The following CNTN6 variants were observed in gnomAD, a reference collection of about 807,000 sequenced individuals.
The protein encoded by CNTN6 is contactin 6, also known as contactin-6.
Under a neutral mutation model 122.8 loss-of-function variants are expected in CNTN6, and 137 were observed. That is an observed-to-expected ratio of 1.12 (90% CI 0.97 to 1.29). The LOEUF is 1.29. Among genes scored for constraint, CNTN6 ranks in the 50% most tolerant of loss-of-function variants. The pLI is 0.00. For missense variants in CNTN6, 1,634 were observed against 1,223.4 expected (o/e 1.34, Z -5.01); for synonymous variants, 570 against 426.0 (o/e 1.34, Z -4.16).
intron 12 of CNTN6, among the ~76,000 whole-genome samples, chr3:1,358,548 T>C (rs1706960026): frequency 1.3e-5 from 2 of 151,784 alleles, no homozygotes; most frequent in Admixed American, 1.3e-4. Context: ...GGATCCTGAA[T>C]ACTCAAGCAA....
At chr3:1,348,722 G>C (rs979169948) in intron 11 of CNTN6, among the ~76,000 whole-genome samples, 1 of 151,926 alleles carries the variant, frequency 6.6e-6, no homozygotes, top group African/African-American at 2.4e-5. Flanking sequence ...TCTGAAGAAA[G>C]ATATGGTTAG....
At chr3:1,156,344 C>G (rs190090800) in intron 2 of CNTN6, among the ~76,000 whole-genome samples, 1 of 152,208 alleles carries the variant, frequency 6.6e-6, no homozygotes, top group South Asian at 2.1e-4. Context: ...GTCATTTCCA[C>G]ACTCTTTGCT....
intron 12 of CNTN6, among the ~76,000 whole-genome samples, chr3:1,367,367 T>C (rs1708381789): frequency 6.6e-6 from 1 of 151,810 alleles, no homozygotes; most frequent in South Asian, 2.1e-4. Flanking sequence ...TACTCTCTAC[T>C]ATGTAAGAAT....
At chr3:1,129,363 C>A (rs115621849) in intron 1 of CNTN6, among the ~76,000 whole-genome samples, 1 of 151,940 alleles carries the variant, frequency 6.6e-6, no homozygotes, top group East Asian at 1.9e-4. Context: ...CATTCCCAGG[C>A]GACTTGAGAA....
At chr3:1,166,021 C>G (rs1442474552) in intron 2 of CNTN6, among the ~76,000 whole-genome samples, 3 of 152,212 alleles carry the variant, frequency 2.0e-5, no homozygotes, top group Non-Finnish European at 4.4e-5. Context: ...ATTCCTACAT[C>G]TCTGAGAAGA....
intron 19 of CNTN6, among the ~76,000 whole-genome samples, chr3:1,384,734 T>A (rs910801056): frequency 2.5e-5 from 3 of 118,214 alleles, no homozygotes; most frequent in Non-Finnish European, 5.1e-5. Flanking sequence ...TACACACATA[T>A]ATATACATAT....
chr3:1,194,584 T>C (rs1382615950), intron 2 of CNTN6, among the ~76,000 whole-genome samples: 1 of 152,168 alleles, frequency 6.6e-6, no homozygotes, highest in Non-Finnish European at 1.5e-5. Context: ...TTCCCTGTTC[T>C]CAACCTTTAG....
intron 2 of CNTN6, among the ~76,000 whole-genome samples, chr3:1,151,095 C>T (rs371778216): frequency 6.6e-6 from 1 of 152,086 alleles, no homozygotes; most frequent in Non-Finnish European, 1.5e-5. Flanking sequence ...GACTTCTGAC[C>T]TCCAGGACTC....
chr3:1,321,240 A>G (rs1219402344), intron 7 of CNTN6, among the ~76,000 whole-genome samples: 1 of 151,762 alleles, frequency 6.6e-6, no homozygotes, highest in Non-Finnish European at 1.5e-5. Context: ...CTCACAAAGA[A>G]TTTCCTTGAC....
chr3:1,215,016 C>G (rs1340375668), intron 2 of CNTN6, among the ~76,000 whole-genome samples: 1 of 152,196 alleles, frequency 6.6e-6, no homozygotes, highest in Non-Finnish European at 1.5e-5. Context: ...GTCTTGATCT[C>G]TCAAAGTGCA....
Position 1,151,078 on chromosome 3 carries a change from C to G in CNTN6, c.55+3015C>G, listed in dbSNP as rs141510492. On this transcript the variant is annotated intron_variant, in intron 2 of 22. Transcript: ENST00000446702. ...CACCTTTTTTCAGCCCCGTGAATCC[C>G]ATTTTGGACTTCTGACCTCCAGGAC... Among the ~76,000 whole-genome samples, 55 of 152,260 alleles carry G rather than the reference C, an allele frequency of 3.6e-4. 1 individual carries two copies. In the East Asian group the frequency reaches 9.7e-3, roughly 27 times the overall value.
At chr3:1,250,239 A>G (rs1218320637) in intron 4 of CNTN6, among the ~76,000 whole-genome samples, 2 of 152,196 alleles carry the variant, frequency 1.3e-5, no homozygotes, top group Admixed American at 6.5e-5. Context: ...ACCTCGGTCT[A>G]ATGGACAACA....
chr3:1,124,776 GC>G (rs1341814024), intron 1 of CNTN6, among the ~76,000 whole-genome samples: 3 of 151,640 alleles, frequency 2.0e-5, no homozygotes, highest in African/African-American at 7.3e-5. Context: ...TCAATTTTCG[GC>G]CACTTCCTCC....
chr3:1,321,560 C>A, intron 7 of CNTN6, 90 bp from the exon 8 acceptor site: 1 of 1,150,860 alleles, frequency 8.7e-7, no homozygotes, highest in Non-Finnish European at 1.2e-6. Context: ...GAATATTTTT[C>A]TTGAGAGTTA....
intron 1 of CNTN6, among the ~76,000 whole-genome samples, chr3:1,129,756 G>C (rs562700207): frequency 2.6e-5 from 4 of 152,182 alleles, no homozygotes; most frequent in African/African-American, 9.6e-5. Flanking sequence ...ATAACTGAAA[G>C]TTAAATGTAT....
intron 2 of CNTN6, among the ~76,000 whole-genome samples, chr3:1,169,984 C>T (rs1351631287): frequency 6.6e-6 from 1 of 152,010 alleles, no homozygotes; most frequent in Admixed American, 6.6e-5. Context: ...CCTGTAATCC[C>T]AGCACTTTGT....
At chr3:1,305,682 C>A (rs1698243826) in intron 7 of CNTN6, among the ~76,000 whole-genome samples, 1 of 151,774 alleles carries the variant, frequency 6.6e-6, no homozygotes, top group South Asian at 2.1e-4. Flanking sequence ...TTAAAAAAAT[C>A]TTAATTTAGT....
At chr3:1,194,000 C>T (rs554044898) in intron 2 of CNTN6, among the ~76,000 whole-genome samples, 8 of 152,014 alleles carry the variant, frequency 5.3e-5, no homozygotes, top group Non-Finnish European at 7.4e-5. Context: ...ATGTGTTATC[C>T]TTATGCAGGC....
At chr3:1,392,755 C>A (rs1446106437) in intron 20 of CNTN6, among the ~76,000 whole-genome samples, 1 of 142,460 alleles carries the variant, frequency 7.0e-6, no homozygotes, top group African/African-American at 2.6e-5. Flanking sequence ...AGGACATGAA[C>A]AGACACTTCT....
Sources: gnomAD v4.1 joint callset for allele counts (sites outside exome capture counted in the v4.1 genomes callset) on GRCh38, gnomAD v4.1.1 for gene constraint, MANE v1.5 for transcripts, NCBI Gene and HGNC (gene_info 2026-07-23, HGNC 2026-07-21) for gene names.